The following NUCB2 variants were observed in gnomAD, a reference collection of about 807,000 sequenced individuals.
NUCB2 encodes the protein nucleobindin 2.
NUCB2 carries 48 observed loss-of-function variants against 57.9 expected under a neutral mutation model. That is an observed-to-expected ratio of 0.83 (90% confidence interval 0.66 to 1.05). The LOEUF (loss-of-function observed/expected upper bound fraction) is 1.05. Ranked by LOEUF, NUCB2 falls within the 50% of genes least tolerant of loss-of-function variation. The pLI, the probability that NUCB2 is intolerant of heterozygous loss-of-function variation, is 0.00. For synonymous variants in NUCB2, 139 were observed against 152.1 expected, an observed-to-expected ratio of 0.91 and a Z score of 0.64; for missense variants, 442 against 476.2, an observed-to-expected ratio of 0.93 and a Z score of 0.67.
chr11:17,298,578 GA>G (rs567326412), intron 4 of NUCB2, among the ~76,000 whole-genome samples: 2 of 138,032 alleles, frequency 1.4e-5, no homozygotes, highest in African/African-American at 5.4e-5. Context: ...TCTTAAAAAA[GA>G]AAAAAAAATG....
intron 9 of NUCB2, 36 bp downstream of exon 9, chr11:17,311,966 C>A: frequency 1.3e-6 from 2 of 1,542,306 alleles, no homozygotes; most frequent in Non-Finnish European, 1.8e-6. Context: ...TGTTCTTGTT[C>A]TCTCTCTTTT....
Position 17,315,469 on chromosome 11 carries a change from C to G in NUCB2, c.996C>G (p.Ser332Arg). Residue 332 changes from serine to arginine, a missense_variant, in exon 11 of 14, where the codon AGC becomes AGG. By Grantham distance (110) the Ser-to-Arg change is moderately radical (BLOSUM62 -1). Coordinates refer to ENST00000529010, the MANE Select transcript of NUCB2 (RefSeq NM_005013.4). ...AAAAAGAATTCTTGGAGCCAGATAG[C>G]TGGGAGGTAATAGAACCTACTCTAA... ...TEKKEFLEPD[S>R]WETLDQQQFF... 6.3e-7 allele frequency: 1 copy of G among 1,599,798 alleles called. No homozygotes were observed. Among genetic ancestry groups the G allele is most frequent in the Admixed American group, 1.7e-5 (1 of 59,892 alleles).
chr11:17,339,858 G>A (rs1952111864), intron 2 of NUCB2, among the ~76,000 whole-genome samples: 1 of 152,090 alleles, frequency 6.6e-6, no homozygotes, highest in East Asian at 1.9e-4. Flanking sequence ...AATCCTTTGG[G>A]TATATACGCA....
At chr11:17,321,491 C>G (rs1459066941) in intron 11 of NUCB2, among the ~76,000 whole-genome samples, 2 of 152,114 alleles carry the variant, frequency 1.3e-5, no homozygotes, top group Non-Finnish European at 2.9e-5. Context: ...TTTTCTTCAT[C>G]CATTCATCTG....
intron 4 of NUCB2, among the ~76,000 whole-genome samples, 168 bp from the exon 5 acceptor site, chr11:17,301,576 G>T (rs774388911): frequency 1.3e-5 from 2 of 152,136 alleles, no homozygotes; most frequent in Non-Finnish European, 2.9e-5. Flanking sequence ...ACCACGCCCG[G>T]CCCTAAAGCT....
At chr11:17,285,995 G>A (rs1010707438) in intron 2 of NUCB2, among the ~76,000 whole-genome samples, 7 of 151,502 alleles carry the variant, frequency 4.6e-5, no homozygotes, top group Non-Finnish European at 1.0e-4. Context: ...ATAACTATGG[G>A]TATAAATCAG....
At chr11:17,316,851 C>T (rs1372549298) in intron 11 of NUCB2, among the ~76,000 whole-genome samples, 1 of 152,200 alleles carries the variant, frequency 6.6e-6, no homozygotes, top group Non-Finnish European at 1.5e-5. Context: ...AACAGCTACT[C>T]TAGTTTACCC....
downstream of NUCB2, among the ~76,000 whole-genome samples, chr11:17,336,550 C>A (rs972305534): frequency 6.6e-6 from 1 of 151,346 alleles, no homozygotes; most frequent in African/African-American, 2.4e-5. Flanking sequence ...GTCAGGAGAT[C>A]GAGACCATCC....
chr11:17,295,254 C>G (rs1945639279), intron 2 of NUCB2, 70 bp from the exon 3 acceptor site: 2 of 1,301,728 alleles, frequency 1.5e-6, no homozygotes, highest in Non-Finnish European at 2.1e-6. Flanking sequence ...ATTAATGTGA[C>G]ATTCGGAATG....
intron 1 of NUCB2, among the ~76,000 whole-genome samples, chr11:17,280,452 G>A (rs944491705): frequency 4.6e-5 from 7 of 152,168 alleles, no homozygotes; most frequent in African/African-American, 1.7e-4. Flanking sequence ...TGAGCACCAG[G>A]TTATCTGTGG....
At chr11:17,297,710 T>C (rs1946051051) in intron 4 of NUCB2, among the ~76,000 whole-genome samples, 1 of 152,180 alleles carries the variant, frequency 6.6e-6, no homozygotes, top group Non-Finnish European at 1.5e-5. Context: ...CTTTTATAAC[T>C]ATCTTCCTTT....
downstream of NUCB2, among the ~76,000 whole-genome samples, chr11:17,336,599 A>G (rs186316686): frequency 0.054 from 8,098 of 151,142 alleles, 241 homozygotes; most frequent in Middle Eastern, 0.092. Context: ...CTAAAAATAC[A>G]AAAAATTAGC....
intron 5 of NUCB2, 115 bp downstream of exon 5, chr11:17,301,985 G>C: frequency 1.3e-6 from 1 of 780,140 alleles, no homozygotes; most frequent in South Asian, 2.0e-5. Context: ...CTACAGCCTT[G>C]ACCACCTGGG....
rs576075760 is a variant in NUCB2, at chr11:17,317,256, A to G, written c.1002+1781A>G. 2.6e-5 allele frequency among the ~76,000 whole-genome samples: 4 copies of G among 152,242 alleles called. No homozygotes were observed. In the South Asian group the frequency reaches 6.2e-4, roughly 24 times the overall value. Reference sequence around the variant, plus strand: ...TTTTAATCTCTATGTGTGTGTATGTATAACATATAATTATGTTGTAATGTA... The same window carrying G: ...TTTTAATCTCTATGTGTGTGTATGTGTAACATATAATTATGTTGTAATGTA... On this transcript the variant is annotated intron_variant, in intron 11 of 13. Coordinates refer to ENST00000529010, the MANE Select transcript of NUCB2 (RefSeq NM_005013.4).
intron 2 of NUCB2, among the ~76,000 whole-genome samples, chr11:17,342,758 G>A (rs1322594208): frequency 6.7e-6 from 1 of 149,732 alleles, no homozygotes; most frequent in Non-Finnish European, 1.5e-5. Context: ...TGGAATAGGT[G>A]TGGTGTGGTG....
intron 1 of NUCB2, among the ~76,000 whole-genome samples, chr11:17,277,300 A>C (rs983978759): frequency 2.0e-5 from 3 of 152,198 alleles, no homozygotes; most frequent in African/African-American, 7.2e-5. Context: ...AAGTTAGTGT[A>C]AGTCGTGATA....
At chr11:17,302,831 C>T (rs1294068424) in intron 5 of NUCB2, among the ~76,000 whole-genome samples, 1 of 151,948 alleles carries the variant, frequency 6.6e-6, no homozygotes, top group African/African-American at 2.4e-5. Flanking sequence ...GCTCTGCCTC[C>T]CGGGTTCACA....
intron 11 of NUCB2, among the ~76,000 whole-genome samples, chr11:17,324,521 C>T (rs1235799597): frequency 6.6e-6 from 1 of 152,040 alleles, no homozygotes; most frequent in Non-Finnish European, 1.5e-5. Context: ...GCAACCTTCG[C>T]CTCTCAGGTC....
intron 9 of NUCB2, 40 bp downstream of exon 9, chr11:17,311,970 C>G (rs570336148): frequency 3.9e-6 from 6 of 1,542,858 alleles, no homozygotes; most frequent in Non-Finnish European, 5.3e-6. Flanking sequence ...CTTGTTCTCT[C>G]TCTTTTTTTC....
Sources: gnomAD v4.1 joint callset for allele counts (sites outside exome capture counted in the v4.1 genomes callset) on GRCh38, gnomAD v4.1.1 for gene constraint, MANE v1.5 for transcripts, NCBI Gene and HGNC (gene_info 2026-07-23, HGNC 2026-07-21) for gene names.